The following RAB36 variants were observed in gnomAD, a reference collection of about 807,000 sequenced individuals.
RAB36 encodes the protein ras-related protein Rab-36.
A neutral mutation model predicts 39.3 loss-of-function variants in RAB36; 33 were observed. The ratio of observed to expected loss-of-function variants is 0.84; its 90% confidence interval spans 0.64 to 1.12. The LOEUF (loss-of-function observed/expected upper bound fraction) is 1.12, where lower values mean the gene tolerates loss of function less well. RAB36 is among the 50% of genes most tolerant of loss of function. The pLI, the probability that RAB36 is intolerant of heterozygous loss-of-function variation, is 0.00. For missense variants in RAB36, 308 were observed against 355.3 expected (o/e 0.87, Z 1.07); for synonymous variants, 133 against 140.2 (o/e 0.95, Z 0.36).
chr22:23,162,253 C>T lies in RAB36; in HGVS notation c.*689C>T, dbSNP rs2071850308. 4.5e-6 allele frequency: 1 copy of T among 221,170 alleles called. No individual in the cohort carries two copies. Among genetic ancestry groups the T allele is most frequent in the South Asian group, 7.3e-5 (1 of 13,754 alleles). The allele number at this position is 221,170 out of a possible 1,614,324, so 13.7% of individuals were successfully genotyped here. A position where few individuals can be genotyped will look rare whatever the true frequency, so the allele number is the denominator to read the frequency against. ...CACCTCTGAGATCCCTAGGTCCTGC[C>T]CTCCTGGTCCGTGGGCCAGGATGTG... On this transcript the variant is annotated 3_prime_UTR_variant, in exon 11 of 11. Coordinates refer to ENST00000263116, the MANE Select transcript of RAB36 (RefSeq NM_004914.5).
At chr22:23,145,408 G>T (rs767941237), upstream of RAB36, 31 of 1,610,046 alleles carry the variant, frequency 1.9e-5, no homozygotes, top group South Asian at 1.2e-4. Context: ...ACGCGCCGCT[G>T]CCAGTCCAAC....
chr22:23,158,556 C>A (rs546893670), intron 7 of RAB36, among the ~76,000 whole-genome samples: 1 of 152,226 alleles, frequency 6.6e-6, no homozygotes, highest in Admixed American at 6.5e-5. Flanking sequence ...GGGGCATTCA[C>A]ACCCAGCAAC....
intron 6 of RAB36, 77 bp from the exon 7 acceptor site, chr22:23,157,915 G>T: frequency 6.2e-7 from 1 of 1,601,496 alleles, no homozygotes; most frequent in Non-Finnish European, 8.5e-7. Flanking sequence ...TTCCTTGGGA[G>T]CTGGGCACCT....
At position 23,161,354 on chromosome 22, in the gene RAB36, C is replaced by G. The variant is rs1170822810; in HGVS notation, c.740-146C>G. On this transcript the variant is annotated intron_variant, in intron 10 of 10. Transcript: ENST00000263116. ...TGTTCCAGTGCCTGGAAGGCCCTCT[C>G]TTGGCTTGTGTCAGGCCATTCAGGC... 9 of 800,532 alleles carry G rather than the reference C, an allele frequency of 1.1e-5. No homozygotes were observed. In the Admixed American group the frequency reaches 1.2e-4, roughly 11 times the overall value. The allele number at this position is 800,532 out of a possible 1,614,324, so 49.6% of individuals were successfully genotyped here.
At chr22:23,153,279 C>G (rs980249803) in intron 5 of RAB36, 145 bp downstream of exon 5, 1 of 683,506 alleles carries the variant, frequency 1.5e-6, no homozygotes, top group Non-Finnish European at 2.5e-6. Flanking sequence ...CACTTAGCTT[C>G]CTGGCTCCCA....
At chr22:23,158,136 G>A (rs934637194) in intron 7 of RAB36, 93 bp downstream of exon 7, 27 of 1,564,324 alleles carry the variant, frequency 1.7e-5, no homozygotes, top group African/African-American at 2.7e-5. Flanking sequence ...CCCTGACCCC[G>A]TGGTGGGTGT....
At chr22:23,150,275 G>T in intron 3 of RAB36, 121 bp downstream of exon 3, 2 of 718,838 alleles carry the variant, frequency 2.8e-6, no homozygotes, top group Admixed American at 2.7e-5. Flanking sequence ...GTACAGGCCT[G>T]AAGATGACTG....
Position 23,161,601 on chromosome 22 carries a change from C to T in RAB36, c.*37C>T, listed in dbSNP as rs767349960. The T allele has an allele frequency of 1.3e-6, 2 of 1,517,948 alleles. No homozygotes were observed. The highest frequency in any genetic ancestry group is 1.8e-6 in the Non-Finnish European group (2 of 1,108,946). The allele number at this position is 1,517,948 out of a possible 1,614,324, so 94.0% of individuals were successfully genotyped here. A position where few individuals can be genotyped will look rare whatever the true frequency, so the allele number is the denominator to read the frequency against. On this transcript the variant is annotated 3_prime_UTR_variant, in exon 11 of 11. Coordinates refer to ENST00000263116, the MANE Select transcript of RAB36 (RefSeq NM_004914.5). Reference sequence around the variant, plus strand: ...GTGGAAGGCCTCCGCTCCCTGCACACACACGGACAGGAATTTCCGTGACTG... The same window carrying T: ...GTGGAAGGCCTCCGCTCCCTGCACATACACGGACAGGAATTTCCGTGACTG...
upstream of RAB36, chr22:23,145,422 G>A: frequency 6.2e-7 from 1 of 1,610,644 alleles, no homozygotes; most frequent in Non-Finnish European, 8.5e-7. Context: ...GTCCAACGCA[G>A]ACCCCGCCCA....
At chr22:23,150,961 G>A (rs201326878) in intron 3 of RAB36, among the ~76,000 whole-genome samples, 2 of 152,202 alleles carry the variant, frequency 1.3e-5, no homozygotes, top group African/African-American at 2.4e-5. Context: ...TTCCTGCCGC[G>A]GCAGCTCCTG....
chr22:23,146,467 C>G, intron 1 of RAB36, 138 bp from the exon 2 acceptor site: 1 of 1,361,980 alleles, frequency 7.3e-7, no homozygotes, highest in South Asian at 1.6e-5. Context: ...CCACCTTGGC[C>G]TCCCAAAGTG....
At chr22:23,168,397 G>A (rs984203559), downstream of RAB36, among the ~76,000 whole-genome samples, 9 of 152,194 alleles carry the variant, frequency 5.9e-5, no homozygotes, top group Non-Finnish European at 7.3e-5. Context: ...CATGTGGGGG[G>A]TTTCAGAGGA....
At chr22:23,157,809 G>C (rs1441809520) in intron 6 of RAB36, among the ~76,000 whole-genome samples, 183 bp from the exon 7 acceptor site, 1 of 152,330 alleles carries the variant, frequency 6.6e-6, no homozygotes, top group Admixed American at 6.5e-5. Context: ...CAGGCTGGAG[G>C]GTCCCGGTGG....
chr22:23,165,957 T>C (rs907409327), downstream of RAB36, among the ~76,000 whole-genome samples: 17 of 151,966 alleles, frequency 1.1e-4, no homozygotes, highest in Admixed American at 2.0e-4. Flanking sequence ...CCATCCTGGC[T>C]AACATGGTGA....
intron 9 of RAB36, 136 bp downstream of exon 9, chr22:23,159,389 C>T: frequency 3.5e-6 from 3 of 849,098 alleles, no homozygotes; most frequent in Non-Finnish European, 5.4e-6. Context: ...ACTGGCATCA[C>T]AGCCCTGCTG....
At chr22:23,167,229 G>A (rs767485751), downstream of RAB36, among the ~76,000 whole-genome samples, 3 of 152,106 alleles carry the variant, frequency 2.0e-5, no homozygotes, top group East Asian at 1.9e-4. Context: ...ACCCAGGGTC[G>A]AACCCCAAAA....
intron 9 of RAB36, 40 bp downstream of exon 9, chr22:23,159,293 C>T (rs1345451997): frequency 6.5e-7 from 1 of 1,537,110 alleles, no homozygotes; most frequent in East Asian, 2.4e-5. Flanking sequence ...GGGCAGAGCC[C>T]TGCTCTTGGG....
Position 23,162,471 on chromosome 22 carries a change from T to C in RAB36, c.*907T>C, listed in dbSNP as rs5751593. 191,914 of 372,550 alleles carry C rather than the reference T, an allele frequency of 0.52. 50,069 individuals carry two copies. Among genetic ancestry groups the C allele is most frequent in the East Asian group, 0.64 (8,720 of 13,540 alleles). 23.1% of individuals were successfully genotyped at this position (372,550 alleles called of 1,614,324 possible). ...CATCCCTCTCTCATTGGCCTATACA[T>C]CTCTTAGGACCTTTGTAATGGTGTC... On this transcript the variant is annotated 3_prime_UTR_variant, in exon 11 of 11. Transcript: ENST00000263116.
At chr22:23,168,331 G>A (rs2072083363), downstream of RAB36, among the ~76,000 whole-genome samples, 1 of 152,168 alleles carries the variant, frequency 6.6e-6, no homozygotes, top group Non-Finnish European at 1.5e-5. Flanking sequence ...CAGGCTTGGA[G>A]GGGACTGCAG....
Sources: allele counts gnomAD v4.1 joint callset (sites outside exome capture counted in the v4.1 genomes callset), GRCh38; gene constraint gnomAD v4.1.1; transcripts MANE v1.5; gene names NCBI Gene and HGNC (gene_info 2026-07-23, HGNC 2026-07-21).